Variants in ACAP3 observed in about 807,000 individuals in gnomAD.
ACAP3 encodes the protein ArfGAP with coiled-coil, ankyrin repeat and PH domains 3.
A neutral mutation model predicts 104.1 loss-of-function variants in ACAP3; 56 were observed. That is an observed-to-expected ratio of 0.54 (90% CI 0.43 to 0.67). ACAP3 has a LOEUF of 0.67. ACAP3 is among the 30% of genes least tolerant of loss of function. The pLI, the probability that ACAP3 is intolerant of heterozygous loss-of-function variation, is 0.00. For missense variants in ACAP3, 1,208 were observed against 1,174.9 expected (o/e 1.03, Z -0.41); for synonymous variants, 628 against 496.2 (o/e 1.27, Z -3.53).
chr1:1,296,490 C>A lies in ACAP3; in HGVS notation c.1272G>T (p.Pro424=), dbSNP rs751692844. The A allele has an allele frequency of 1.2e-5, 19 of 1,543,438 alleles. No individual in the cohort carries two copies. In the East Asian group the frequency reaches 1.5e-4, roughly 12 times the overall value. ...GNSQCGDCGQ[P]DPRWASINLG... Reference sequence around the variant, plus strand: ...GGTTGATGCTGGCCCAGCGGGGGTCCGGCTGGCCGCAGTCGCCGCACTGGC... The same window carrying A: ...GGTTGATGCTGGCCCAGCGGGGGTCAGGCTGGCCGCAGTCGCCGCACTGGC... The change falls in exon 15 of 24, where the codon CCG becomes CCT. Residue 424 remains proline (P), a synonymous_variant. Transcript: ENST00000354700.
At chr1:1,299,024 G>A (rs987059455) in intron 10 of ACAP3, 13 of 558,100 alleles carry the variant, frequency 2.3e-5, no homozygotes, top group African/African-American at 7.8e-5. Context: ...CCAGCTGGGC[G>A]GACAGAGCCC....
Position 1,297,903 on chromosome 1 carries a change from C to T in ACAP3, c.1047G>A (p.Lys349=). 6.2e-7 allele frequency: 1 copy of T among 1,612,076 alleles called. No homozygotes were observed. Among genetic ancestry groups the T allele is most frequent in the Non-Finnish European group, 8.5e-7 (1 of 1,179,522 alleles). The change falls in exon 14 of 24, where the codon AAG becomes AAA. Residue 349 remains lysine (K), a synonymous_variant. Transcript: ENST00000354700. ...CAGCCTGGACCCAGGCTTGCCGCAGCTTCTCGGAGTCAGCCTGCAGCATGC... is the reference window on the plus strand; with the variant it reads ...CAGCCTGGACCCAGGCTTGCCGCAGTTTCTCGGAGTCAGCCTGCAGCATGC... The part of the protein sequence containing the change: ...KSCMLQADSE[K]LRQAWVQAVQ...
intron 5 of ACAP3, 25 bp downstream of exon 5, chr1:1,301,963 T>TC: frequency 6.5e-7 from 1 of 1,536,010 alleles, no homozygotes. Context: ...TCAGTGTTCT[T>TC]CCCCCAGCCC....
rs556419825 is a variant in ACAP3 at position 1,304,649 on chromosome 1, C to T, written c.48-506G>A. The T allele has an allele frequency of 3.1e-5, 5 of 161,882 alleles. No individual in the cohort carries two copies. The South Asian group carries it at 8.1e-4, about 26-fold the overall frequency. The allele number at this position is 161,882 out of a possible 1,614,324, so 10.0% of individuals were successfully genotyped here. A position where few individuals can be genotyped will look rare whatever the true frequency, so the allele number is the denominator to read the frequency against. On this transcript the variant is annotated intron_variant, in intron 1 of 23. Coordinates refer to ENST00000354700, the MANE Select transcript of ACAP3 (RefSeq NM_030649.3). Reference sequence around the variant, plus strand: ...CTGGCAGCACCAGGAGGACCCAGACCAGCTGGGGAGAGACGCCCCCGGCTC... The same window carrying T: ...CTGGCAGCACCAGGAGGACCCAGACTAGCTGGGGAGAGACGCCCCCGGCTC...
chr1:1,301,688 A>G (rs893628105), intron 5 of ACAP3: 2 of 202,178 alleles, frequency 9.9e-6, no homozygotes, highest in African/African-American at 5.4e-5. Flanking sequence ...GCCCCTCCCC[A>G]CCTCACTCTC....
chr1:1,293,987 T>C, intron 22 of ACAP3, 54 bp from the exon 23 acceptor site: 1 of 1,460,914 alleles, frequency 6.8e-7, no homozygotes, highest in Non-Finnish European at 9.1e-7. Context: ...GGGGCGAGTG[T>C]GGTCGCGGGG....
chr1:1,295,692 C>A (rs918169647), intron 18 of ACAP3, 44 bp downstream of exon 18: 6 of 1,567,586 alleles, frequency 3.8e-6, no homozygotes, highest in Non-Finnish European at 4.3e-6. Context: ...CCATCCCCGA[C>A]CAAGGCAAGC....
Position 1,296,525 on chromosome 1 carries a change from C to T in ACAP3, c.1237G>A (p.Ala413Thr). ...CAGTCGCCGCACTGGCTGTTGCCGG[C>T]CACACTCTGCACACGCTGCAGCACA... ...ESVLQRVQSV[A>T]GNSQCGDCGQ... The change falls in exon 15 of 24, where the codon GCC becomes ACC. Residue 413 changes from alanine (A) to threonine (T), a missense_variant. Transcript: ENST00000354700. 1 of 1,540,322 alleles carries T rather than the reference C, an allele frequency of 6.5e-7. No homozygotes were observed. The highest frequency in any genetic ancestry group is 1.2e-5 in the South Asian group (1 of 84,056).
chr1:1,294,012 G>A lies in ACAP3; in HGVS notation c.2249+78C>T. 4.7e-6 allele frequency: 7 copies of A among 1,476,562 alleles called. No homozygotes were observed. In the South Asian group the frequency reaches 6.7e-5, roughly 14 times the overall value. 91.5% of individuals were successfully genotyped at this position (1,476,562 alleles called of 1,614,324 possible). On this transcript the variant is annotated intron_variant, in intron 22 of 23. Transcript: ENST00000354700. Reference sequence around the variant, plus strand: ...TGGTCGCGGGGGCGTGGCCGGATAGGGCATGGCGGACAGGGCGTAGCCGGG... The same window carrying A: ...TGGTCGCGGGGGCGTGGCCGGATAGAGCATGGCGGACAGGGCGTAGCCGGG...
chr1:1,294,377 C>T (rs774794743), intron 21 of ACAP3, 25 bp downstream of exon 21: 36 of 1,553,132 alleles, frequency 2.3e-5, no homozygotes, highest in Non-Finnish European at 2.9e-5. Flanking sequence ...CTGTGTCCTG[C>T]GCGCAGCCCC....
chr1:1,307,509 G>A (rs896707398), intron 1 of ACAP3: 2 of 1,208,100 alleles, frequency 1.7e-6, no homozygotes, highest in Non-Finnish European at 2.2e-6. Flanking sequence ...ACAGAGCGGG[G>A]GCGGACGGTC....
Position 1,304,103 on chromosome 1 carries a change from C to G in ACAP3, c.88G>C (p.Glu30Gln). ...CCCTTCACCTTGTCCAGTTTGGCCT[C>G]AATCTCCACCACGTCCGTCTCCACC... ...DEVETDVVEI[E>Q]AKLDKLVKLC... Residue 30 changes from glutamate (E) to glutamine (Q), a missense_variant, in exon 2 of 24, where the codon GAG becomes CAG. Physicochemically the swap from Glu to Gln is conservative, Grantham distance 29. Transcript: ENST00000354700. 1 of 1,550,690 alleles carries G rather than the reference C, an allele frequency of 6.4e-7. No individual in the cohort carries two copies. The highest frequency in any genetic ancestry group is 1.2e-5 in the South Asian group (1 of 84,060).
At chr1:1,295,975 C>T (rs371999959) in intron 17 of ACAP3, 37 bp from the exon 18 acceptor site, 42 of 1,612,610 alleles carry the variant, frequency 2.6e-5, no homozygotes, top group East Asian at 8.9e-5. Flanking sequence ...TGCCCCCAGG[C>T]TGGGGCTCCC....
At chr1:1,307,314 C>T (rs1193735153) in intron 1 of ACAP3, 2 of 1,289,324 alleles carry the variant, frequency 1.6e-6, no homozygotes, top group East Asian at 5.6e-5. Flanking sequence ...ATTCAAACCA[C>T]TTCACGTTTC....
At position 1,304,447 on chromosome 1, in the gene ACAP3, G is replaced by A. The variant is rs1641594890; in HGVS notation, c.48-304C>T. On this transcript the variant is annotated intron_variant, in intron 1 of 23. Coordinates refer to ENST00000354700, the MANE Select transcript of ACAP3 (RefSeq NM_030649.3). ...CCCTCAGGGACAGTGCCCACCAAGG[G>A]CTGAGCCAGCCTCACCCGCCTCTCC... 1.5e-5 allele frequency: 8 copies of A among 518,114 alleles called. No individual in the cohort carries two copies. In the South Asian group the frequency reaches 1.7e-4, roughly 11 times the overall value. The allele number at this position is 518,114 out of a possible 1,614,324, so 32.1% of individuals were successfully genotyped here. A position where few individuals can be genotyped will look rare whatever the true frequency, so the allele number is the denominator to read the frequency against.
chr1:1,300,491 C>T lies in ACAP3; in HGVS notation c.522+18G>A, dbSNP rs2100453644. The T allele has an allele frequency of 6.3e-7, 1 of 1,599,224 alleles. No homozygotes were observed. The highest frequency in any genetic ancestry group is 2.2e-5 in the East Asian group (1 of 44,602). Reference sequence around the variant, plus strand: ...GCTACAGCTGGTCCCCGCCCCCCAGCCCATTTCTGGGGCTGACCTGGAGCA... The same window carrying T: ...GCTACAGCTGGTCCCCGCCCCCCAGTCCATTTCTGGGGCTGACCTGGAGCA... On this transcript the variant is annotated intron_variant, in intron 6 of 23. Transcript: ENST00000354700.
intron 19 of ACAP3, 113 bp from the exon 20 acceptor site, chr1:1,294,929 G>A: frequency 1.9e-6 from 2 of 1,053,696 alleles, no homozygotes; most frequent in Non-Finnish European, 2.7e-6. Flanking sequence ...CTAGGGACAG[G>A]ACCAGCTCCC....
chr1:1,300,317 T>G, intron 6 of ACAP3, 115 bp from the exon 7 acceptor site: 1 of 1,356,688 alleles, frequency 7.4e-7, no homozygotes. Flanking sequence ...CCAGGTCGTC[T>G]TCAGCTCCCA....
At chr1:1,299,411 C>T in intron 9 of ACAP3, 55 bp from the exon 10 acceptor site, 1 of 1,482,764 alleles carries the variant, frequency 6.7e-7, no homozygotes, top group East Asian at 2.5e-5. Flanking sequence ...GTGACGGCTG[C>T]CAACTCCTGG....
Sources: allele counts gnomAD v4.1 joint callset, GRCh38; gene constraint gnomAD v4.1.1; transcripts MANE v1.5; gene names NCBI Gene and HGNC (gene_info 2026-07-23, HGNC 2026-07-21).